Variants in MARCO observed in about 807,000 individuals in gnomAD.
MARCO encodes macrophage receptor MARCO.
MARCO carries 72 observed loss-of-function variants against 70.0 expected under a neutral mutation model. The ratio of observed to expected loss-of-function variants is 1.03; its 90% CI spans 0.85 to 1.25. The LOEUF (loss-of-function observed/expected upper bound fraction) is 1.25. Among genes scored for constraint, MARCO ranks in the 50% most tolerant of loss-of-function variants. MARCO has a pLI of 0.00. For synonymous variants in MARCO, 273 were observed against 243.1 expected (o/e 1.12, Z -1.14); for missense variants, 696 against 659.3 (o/e 1.06, Z -0.61).
chr2:118,968,275 G>C (rs3943679), intron 1 of MARCO, among the ~76,000 whole-genome samples: 28,021 of 152,102 alleles, frequency 0.18, 3,416 homozygotes, highest in African/African-American at 0.33. Context: ...CTTTTGTAAT[G>C]TCGCAAACTG....
chr2:118,959,626 T>C (rs745401291), intron 1 of MARCO, among the ~76,000 whole-genome samples: 8 of 152,184 alleles, frequency 5.3e-5, no homozygotes, highest in Non-Finnish European at 1.0e-4. Context: ...CCAGCAATCC[T>C]ACTACTGGGT....
Position 118,946,235 on chromosome 2 carries a change from A to G in MARCO, c.97+3838A>G, listed in dbSNP as rs72960634. Among the ~76,000 whole-genome samples the G allele has an allele frequency of 4.5e-3, 688 of 152,270 alleles. 6 individuals are homozygous for G. Among genetic ancestry groups the G allele is most frequent in the African/African-American group, 0.016 (671 of 41,558 alleles). The stretch of plus-strand genomic sequence containing the variant: ...GGAAACTGATATTGGTGCAATCCAT[A>G]GAGCTTATTCATTAGTTTTACATGC... On this transcript the variant is annotated intron_variant, in intron 1 of 16. Transcript: ENST00000327097.
In MARCO at chr2:118,986,726, G is replaced by GAAAGAAAGA. The variant is rs1680522184; in HGVS notation, c.1064-3860_1064-3852dup. On this transcript the variant is annotated intron_variant, in intron 12 of 16. Transcript: ENST00000327097. ...GAAAGAAAGAAAGAAAGAAAGAAAA[G>GAAAGAAAGA]AAAGAAAGAAAGAGAAAGAAAGAGA... 5.8e-4 allele frequency among the ~76,000 whole-genome samples: 63 copies of GAAAGAAAGA among 107,816 alleles called. 3 individuals are homozygous for GAAAGAAAGA. The highest frequency in any genetic ancestry group is 2.1e-3 in the African/African-American group (47 of 21,864). 70.7% of individuals were successfully genotyped at this position (107,816 alleles called of 152,430 possible).
At chr2:118,970,372 C>T (rs1236420530) in intron 3 of MARCO, 34 bp downstream of exon 3, 4 of 1,498,286 alleles carry the variant, frequency 2.7e-6, no homozygotes, top group Non-Finnish European at 2.8e-6. Flanking sequence ...CAGGACTTCT[C>T]AACAGAGGTC....
intron 1 of MARCO, among the ~76,000 whole-genome samples, chr2:118,963,187 T>G (rs1305083781): frequency 6.6e-6 from 1 of 151,686 alleles, no homozygotes; most frequent in Non-Finnish European, 1.5e-5. Flanking sequence ...AAACTTAGTG[T>G]GTTGATTGGA....
chr2:118,958,005 G>T (rs1257274993), intron 1 of MARCO, among the ~76,000 whole-genome samples: 2 of 151,872 alleles, frequency 1.3e-5, no homozygotes, highest in Non-Finnish European at 2.9e-5. Context: ...ATACCTTAAT[G>T]TAATAAAGGC....
chr2:118,993,363 G>A (rs564355806), intron 16 of MARCO, 63 bp downstream of exon 16: 9 of 1,527,832 alleles, frequency 5.9e-6, no homozygotes, highest in African/African-American at 4.1e-5. Flanking sequence ...TCTCTCGCTG[G>A]TGGGGTGTTG....
chr2:118,949,206 A>G (rs1679668997), intron 1 of MARCO: 1 of 152,202 alleles, frequency 6.6e-6, no homozygotes, highest in African/African-American at 2.4e-5. Context: ...AAGAGCTACC[A>G]TGCACTCCAT....
chr2:118,957,426 T>C (rs1449018629), intron 1 of MARCO, among the ~76,000 whole-genome samples: 4 of 152,040 alleles, frequency 2.6e-5, no homozygotes, highest in African/African-American at 9.7e-5. Context: ...ACAACGTTCC[T>C]AGCTTAAATC....
Position 118,982,343 on chromosome 2 carries a change from T to C in MARCO, c.1001-5T>C. Reference sequence around the variant, plus strand: ...CTTATGCTCTCTGTGGTGTCTGTTGTCCAGGACTTCCAGGGAGCCCCGGGA... The same window carrying C: ...CTTATGCTCTCTGTGGTGTCTGTTGCCCAGGACTTCCAGGGAGCCCCGGGA... On this transcript the variant is annotated splice_polypyrimidine_tract_variant and splice_region_variant and intron_variant, in intron 11 of 16. Transcript: ENST00000327097. 1.2e-6 allele frequency: 2 copies of C among 1,613,760 alleles called. No homozygotes were observed. Among genetic ancestry groups the C allele is most frequent in the Non-Finnish European group, 1.7e-6 (2 of 1,179,854 alleles).
At chr2:118,989,675 G>C (rs1680585124) in intron 12 of MARCO, among the ~76,000 whole-genome samples, 1 of 152,220 alleles carries the variant, frequency 6.6e-6, no homozygotes, top group Non-Finnish European at 1.5e-5. Context: ...ACTTCCCCGA[G>C]GCAACTGCAA....
At chr2:118,968,060 A>G (rs1680089487) in intron 1 of MARCO, among the ~76,000 whole-genome samples, 1 of 152,152 alleles carries the variant, frequency 6.6e-6, no homozygotes, top group East Asian at 1.9e-4. Flanking sequence ...GAGTGTAACC[A>G]TGCCTACCTT....
Position 118,990,465 on chromosome 2 carries a change from G to C in MARCO, c.1064-124G>C. Reference sequence around the variant, plus strand: ...GCTGAAGAGGCTTTAAACAATCGTGGAGAACCAATGTATCTTTCCATCTGC... The same window carrying C: ...GCTGAAGAGGCTTTAAACAATCGTGCAGAACCAATGTATCTTTCCATCTGC... On this transcript the variant is annotated intron_variant, in intron 12 of 16. Coordinates refer to ENST00000327097, the MANE Select transcript of MARCO (RefSeq NM_006770.4). The C allele has an allele frequency of 3.3e-6, 3 of 898,622 alleles. No individual in the cohort carries two copies. In the South Asian group the frequency reaches 4.8e-5, roughly 14 times the overall value. The allele number at this position is 898,622 out of a possible 1,614,324, so 55.7% of individuals were successfully genotyped here.
At chr2:118,980,256 T>C (rs900605594) in intron 8 of MARCO, among the ~76,000 whole-genome samples, 2 of 152,204 alleles carry the variant, frequency 1.3e-5, no homozygotes, top group Non-Finnish European at 2.9e-5. Context: ...AAGAACAGCC[T>C]CCTCTGCTTT....
At chr2:118,975,314 C>G (rs1034474406) in intron 6 of MARCO, among the ~76,000 whole-genome samples, 1 of 152,038 alleles carries the variant, frequency 6.6e-6, no homozygotes, top group East Asian at 1.9e-4. Flanking sequence ...TGTGAAGATG[C>G]GAAGACATTA....
intron 1 of MARCO, among the ~76,000 whole-genome samples, chr2:118,961,754 TG>T (rs934987628): frequency 3.3e-5 from 5 of 152,218 alleles, no homozygotes; most frequent in African/African-American, 1.2e-4. Flanking sequence ...TTGCTTTTGT[TG>T]CAGTTGCTTT....
At chr2:118,981,298 C>G in intron 8 of MARCO, 111 bp from the exon 9 acceptor site, 1 of 719,418 alleles carries the variant, frequency 1.4e-6, no homozygotes, top group Non-Finnish European at 2.4e-6. Flanking sequence ...CAAGTAGGAG[C>G]TCAAGGAGTT....
At chr2:118,979,730 C>T (rs910306032) in intron 8 of MARCO, among the ~76,000 whole-genome samples, 5 of 152,220 alleles carry the variant, frequency 3.3e-5, no homozygotes, top group African/African-American at 1.2e-4. Context: ...CACCCCTCCT[C>T]TTCCCAAATT....
At position 118,982,336 on chromosome 2, in the gene MARCO, T is replaced by A. The variant is rs1407487897; in HGVS notation, c.1001-12T>A. The A allele has an allele frequency of 6.2e-7, 1 of 1,613,690 alleles. No individual in the cohort carries two copies. Among genetic ancestry groups the A allele is most frequent in the East Asian group, 2.2e-5 (1 of 44,854 alleles). On this transcript the variant is annotated splice_polypyrimidine_tract_variant and intron_variant, in intron 11 of 16. Coordinates refer to ENST00000327097, the MANE Select transcript of MARCO (RefSeq NM_006770.4). ...TCCAGCCCTTATGCTCTCTGTGGTGTCTGTTGTCCAGGACTTCCAGGGAGC... is the reference window on the plus strand; with the variant it reads ...TCCAGCCCTTATGCTCTCTGTGGTGACTGTTGTCCAGGACTTCCAGGGAGC...
Sources: allele counts gnomAD v4.1 joint callset (sites outside exome capture counted in the v4.1 genomes callset), GRCh38; gene constraint gnomAD v4.1.1; transcripts MANE v1.5; gene names NCBI Gene and HGNC (gene_info 2026-07-23, HGNC 2026-07-21).